Variants in KAZN observed in about 807,000 individuals in gnomAD.
The protein encoded by KAZN is kazrin.
In KAZN, 40 loss-of-function variants were observed where a neutral mutation model predicts 87.4. The observed-to-expected ratio is 0.46, with a 90% CI of 0.36 to 0.60. The LOEUF is 0.60. KAZN is among the 20% of genes least tolerant of loss of function. The probability of loss-of-function intolerance (pLI) is 0.00; values close to 1 mark genes in which losing one functional copy is unlikely to be tolerated. For missense variants in KAZN, 898 were observed against 1,073.9 expected, an observed-to-expected ratio of 0.84 and a Z score of 2.29; for synonymous variants, 466 against 458.3, an observed-to-expected ratio of 1.02 and a Z score of -0.22.
At chr1:14,514,426 AAT>A (rs1491583924) in intron 2 of KAZN, among the ~76,000 whole-genome samples, 1 of 52,686 alleles carries the variant, frequency 1.9e-5, no homozygotes, top group African/African-American at 6.9e-5. Flanking sequence ...ATATATATAT[AAT>A]ATATATAATT....
chr1:14,191,194 T>C (rs567179602), intron 2 of KAZN, among the ~76,000 whole-genome samples: 104 of 152,234 alleles, frequency 6.8e-4, no homozygotes, highest in African/African-American at 2.4e-3. Context: ...CTATTTGAAA[T>C]ATTACTCTGG....
At chr1:13,998,549 A>G (rs1411426114) in intron 1 of KAZN, among the ~76,000 whole-genome samples, 1 of 152,152 alleles carries the variant, frequency 6.6e-6, no homozygotes, top group African/African-American at 2.4e-5. Flanking sequence ...GCAAATGGAA[A>G]GCAAAAAACA....
intron 1 of KAZN, among the ~76,000 whole-genome samples, chr1:14,732,615 G>A (rs1448411370): frequency 6.6e-6 from 1 of 152,074 alleles, no homozygotes; most frequent in Non-Finnish European, 1.5e-5. Context: ...CTCCAGCCTG[G>A]GTGACAGAGC....
rs540880203 is a variant in KAZN, at chr1:14,563,874, C to CTTTTTTTTTTTTTT, written c.250-35108_250-35095dup. ...TGCACTCAGAGTATGGTTCAAACTC[C>CTTTTTTTTTTTTTT]TTTTTTTTTTTTTTGTCTGAGACAG... is the stretch of plus-strand genomic sequence containing the variant. On this transcript the variant is annotated intron_variant, in intron 2 of 16. Transcript: ENST00000636203. 6.8e-3 allele frequency among the ~76,000 whole-genome samples: 670 copies of CTTTTTTTTTTTTTT among 97,840 alleles called. 97 individuals are homozygous for CTTTTTTTTTTTTTT. Among genetic ancestry groups the CTTTTTTTTTTTTTT allele is most frequent in the African/African-American group, 0.02 (585 of 29,952 alleles). The allele number at this position is 97,840 out of a possible 152,430, so 64.2% of individuals were successfully genotyped here. A position where few individuals can be genotyped will look rare whatever the true frequency, so the allele number is the denominator to read the frequency against.
intron 2 of KAZN, among the ~76,000 whole-genome samples, chr1:14,989,974 T>G (rs1364148485): frequency 6.6e-6 from 1 of 152,144 alleles, no homozygotes; most frequent in Non-Finnish European, 1.5e-5. Context: ...GTGTGCACAC[T>G]CTGTCTTGTT....
chr1:14,044,743 C>A (rs145186163), intron 1 of KAZN, among the ~76,000 whole-genome samples: 1 of 152,334 alleles, frequency 6.6e-6, no homozygotes, highest in East Asian at 1.9e-4. Flanking sequence ...AAGGCAATGT[C>A]ATGGAGTAAG....
At chr1:15,052,037 G>T (rs1674459739) in intron 4 of KAZN, among the ~76,000 whole-genome samples, 1 of 152,226 alleles carries the variant, frequency 6.6e-6, no homozygotes, top group South Asian at 2.1e-4. Context: ...AGAAGAGTCA[G>T]AACCCAAGGG....
chr1:14,296,811 A>AT (rs1177477512), intron 2 of KAZN, among the ~76,000 whole-genome samples: 1 of 151,544 alleles, frequency 6.6e-6, no homozygotes, highest in African/African-American at 2.4e-5. Flanking sequence ...ACTTTTTTGT[A>AT]TTTTTAGTAG....
At chr1:14,553,934 A>T (rs1469796116) in intron 2 of KAZN, among the ~76,000 whole-genome samples, 1 of 152,154 alleles carries the variant, frequency 6.6e-6, no homozygotes, top group Non-Finnish European at 1.5e-5. Flanking sequence ...CTGTGATTCT[A>T]ATGTGTAACC....
At chr1:14,410,832 C>G (rs2101191307) in intron 2 of KAZN, among the ~76,000 whole-genome samples, 1 of 152,314 alleles carries the variant, frequency 6.6e-6, no homozygotes, top group Admixed American at 6.5e-5. Flanking sequence ...CCGAAAGAGG[C>G]CAGGCATGGA....
intron 1 of KAZN, among the ~76,000 whole-genome samples, chr1:13,983,511 C>T (rs373128319): frequency 3.0e-4 from 46 of 152,308 alleles, no homozygotes; most frequent in East Asian, 7.7e-4. Flanking sequence ...CCCGCAAGCA[C>T]GGCACACAGC....
chr1:14,563,706 T>G (rs1571941907), intron 2 of KAZN, among the ~76,000 whole-genome samples: 1 of 151,906 alleles, frequency 6.6e-6, no homozygotes. Flanking sequence ...TCACCACTCC[T>G]CCCCATCCTC....
intron 2 of KAZN, among the ~76,000 whole-genome samples, chr1:14,220,331 T>C (rs1004613572): frequency 6.6e-6 from 1 of 152,202 alleles, no homozygotes; most frequent in African/African-American, 2.4e-5. Flanking sequence ...CAAATCCTTC[T>C]CGTGACCTTG....
At chr1:13,901,318 T>C (rs919180960) in intron 1 of KAZN, among the ~76,000 whole-genome samples, 1 of 152,172 alleles carries the variant, frequency 6.6e-6, no homozygotes, top group Admixed American at 6.5e-5. Context: ...GCTGAGTAAA[T>C]AAAATTCCAA....
intron 1 of KAZN, among the ~76,000 whole-genome samples, chr1:14,726,002 C>T (rs1643364371): frequency 6.6e-6 from 1 of 152,220 alleles, no homozygotes; most frequent in South Asian, 2.1e-4. Flanking sequence ...TATCTCTTGG[C>T]TTCAGTTCTG....
intron 1 of KAZN, among the ~76,000 whole-genome samples, chr1:14,653,847 T>A (rs1311805852): frequency 6.6e-6 from 1 of 152,224 alleles, no homozygotes; most frequent in Non-Finnish European, 1.5e-5. Context: ...CTTTCTCAAC[T>A]GCAGTGCTAT....
chr1:14,205,054 T>G (rs578210684), intron 2 of KAZN, among the ~76,000 whole-genome samples: 1 of 152,364 alleles, frequency 6.6e-6, no homozygotes, highest in East Asian at 1.9e-4. Flanking sequence ...GGAGCCAGGC[T>G]GCTTCTATCT....
At chr1:14,581,531 C>T (rs373299457) in intron 2 of KAZN, among the ~76,000 whole-genome samples, 2 of 152,210 alleles carry the variant, frequency 1.3e-5, no homozygotes, top group African/African-American at 4.8e-5. Context: ...TGCCACACAG[C>T]GTGCCAAAGC....
At chr1:14,699,269 G>C (rs139328629) in intron 1 of KAZN, among the ~76,000 whole-genome samples, 1 of 152,170 alleles carries the variant, frequency 6.6e-6, no homozygotes, top group Non-Finnish European at 1.5e-5. Flanking sequence ...TGGCACCCAG[G>C]TGGGACCCAG....
Sources: allele counts gnomAD v4.1 joint callset (sites outside exome capture counted in the v4.1 genomes callset), GRCh38; gene constraint gnomAD v4.1.1; transcripts MANE v1.5; gene names NCBI Gene and HGNC (gene_info 2026-07-23, HGNC 2026-07-21).